Variants in NEURL1B observed in about 807,000 individuals in gnomAD.
NEURL1B encodes the protein neuralized E3 ubiquitin protein ligase 1B.
A neutral mutation model predicts 37.4 loss-of-function variants in NEURL1B; 13 were observed. The ratio of observed to expected loss-of-function variants is 0.35; its 90% CI spans 0.23 to 0.55. NEURL1B has a LOEUF of 0.55. Ranked by LOEUF, NEURL1B falls within the 20% of genes least tolerant of loss-of-function variation. The probability of loss-of-function intolerance (pLI) is 0.89; values close to 1 mark genes in which losing one functional copy is unlikely to be tolerated. For synonymous variants in NEURL1B, 432 were observed against 426.6 expected, an observed-to-expected ratio of 1.01 and a Z score of -0.16; for missense variants, 790 against 879.2, an observed-to-expected ratio of 0.90 and a Z score of 1.28.
In NEURL1B at chr5:172,687,023, G is replaced by A. The variant is rs939499420; in HGVS notation, c.*98G>A. Reference sequence around the variant, plus strand: ...GGCTGCCAGGGAGTCCACGGGCAGCGGCCATCTCTCCAGTGGTGGGCAAGG... The same window carrying A: ...GGCTGCCAGGGAGTCCACGGGCAGCAGCCATCTCTCCAGTGGTGGGCAAGG... On this transcript the variant is annotated 3_prime_UTR_variant, in exon 5 of 5. Coordinates refer to ENST00000369800, the MANE Select transcript of NEURL1B (RefSeq NM_001142651.3). 1.4e-5 allele frequency: 19 copies of A among 1,374,102 alleles called. No individual in the cohort carries two copies. The highest frequency in any genetic ancestry group is 4.3e-5 in the African/African-American group (3 of 69,604). The allele number at this position is 1,374,102 out of a possible 1,614,324, so 85.1% of individuals were successfully genotyped here.
At position 172,647,123 on chromosome 5, in the gene NEURL1B, C is replaced by A. The variant is rs544906104; in HGVS notation, c.31+5686C>A. Among the ~76,000 whole-genome samples, 2 of 152,306 alleles carry A rather than the reference C, an allele frequency of 1.3e-5. No individual in the cohort carries two copies. The highest frequency in any genetic ancestry group is 1.3e-4 in the Admixed American group (2 of 15,300). On this transcript the variant is annotated intron_variant, in intron 1 of 4. Transcript: ENST00000369800. The surrounding 1 kb of genome is among the most constrained non-coding windows in gnomAD (Gnocchi z 4.2). ...TCAGAACAGGCTGTTTAATCTCCCC[C>A]ATGGAGAAGAGTCAGCTCTGCCTCT... is the stretch of plus-strand genomic sequence containing the variant.
intron 2 of NEURL1B, among the ~76,000 whole-genome samples, chr5:172,674,602 G>A (rs1436559532): frequency 6.6e-6 from 1 of 152,162 alleles, no homozygotes; most frequent in East Asian, 1.9e-4. Context: ...ACCTCTGGGG[G>A]TGGCACCCAG....
intron 1 of NEURL1B, among the ~76,000 whole-genome samples, chr5:172,653,030 G>T (rs1286754374): frequency 6.6e-6 from 1 of 151,918 alleles, no homozygotes; most frequent in East Asian, 1.9e-4. Flanking sequence ...TCCTTCCCAG[G>T]CTGGCTTGAG....
At chr5:172,680,721 T>C (rs1295869030) in intron 2 of NEURL1B, among the ~76,000 whole-genome samples, 6 of 152,224 alleles carry the variant, frequency 3.9e-5, no homozygotes, top group African/African-American at 7.2e-5. Context: ...TTCCTATGAA[T>C]CCTATGCACA....
At chr5:172,684,221 C>G (rs1171909290) in intron 3 of NEURL1B, 83 bp downstream of exon 3, 6 of 1,108,800 alleles carry the variant, frequency 5.4e-6, no homozygotes, top group Non-Finnish European at 6.8e-6. Flanking sequence ...TTCCCCGGCC[C>G]CGCCCCTCTC....
rs1220398303 is a variant in NEURL1B, at chr5:172,686,569, A to G, written c.1424-112A>G. 4 of 1,274,012 alleles carry G rather than the reference A, an allele frequency of 3.1e-6. No homozygotes were observed. The Admixed American group carries it at 7.3e-5, about 23-fold the overall frequency. 78.9% of individuals were successfully genotyped at this position (1,274,012 alleles called of 1,614,324 possible). Reference sequence around the variant, plus strand: ...GGTAAACTCAAATTAGTATCTCCCAAAAGTATTCTCCCACCGGTCCCAGCA... The same window carrying G: ...GGTAAACTCAAATTAGTATCTCCCAGAAGTATTCTCCCACCGGTCCCAGCA... On this transcript the variant is annotated intron_variant, in intron 4 of 4. Transcript: ENST00000369800. The surrounding 1 kb of genome is among the most constrained non-coding windows in gnomAD (Gnocchi z 7.9).
intron 2 of NEURL1B, among the ~76,000 whole-genome samples, chr5:172,672,022 G>T (rs1254120539): frequency 6.6e-6 from 1 of 152,222 alleles, no homozygotes; most frequent in African/African-American, 2.4e-5. Flanking sequence ...GCACAAGATA[G>T]CACCCACCTC....
At position 172,683,962 on chromosome 5, in the gene NEURL1B, C is replaced by A; in HGVS notation, c.1121C>A (p.Ala374Asp). 1 of 1,331,548 alleles carries A rather than the reference C, an allele frequency of 7.5e-7. No individual in the cohort carries two copies. Among genetic ancestry groups the A allele is most frequent in the Admixed American group, 3.6e-5 (1 of 28,000 alleles). 82.5% of individuals were successfully genotyped at this position (1,331,548 alleles called of 1,614,324 possible). A position where few individuals can be genotyped will look rare whatever the true frequency, so the allele number is the denominator to read the frequency against. The change falls in exon 3 of 5, where the codon GCC (alanine) becomes GAC (aspartate). Residue 374 changes from alanine to aspartate, a missense_variant. Around this residue, in one of 3 missense-constraint regions of NEURL1B, gnomAD observed 460 missense variants for 407.4 expected, o/e 1.13. Coordinates refer to ENST00000369800, the MANE Select transcript of NEURL1B (RefSeq NM_001142651.3). This position sits in a 1 kb window ranked among gnomAD's most constrained non-coding sequence, Gnocchi z 5.6. ...DRKEYWVVARAGPVPSGGDAL... is the reference protein window; with the variant it reads ...DRKEYWVVARDGPVPSGGDAL... ...AAAGAGTACTGGGTGGTGGCGCGCG[C>A]CGGGCCCGTGCCGAGCGGCGGCGAC... is the stretch of plus-strand genomic sequence containing the variant.
At chr5:172,643,273 G>A (rs530360251) in intron 1 of NEURL1B, among the ~76,000 whole-genome samples, 3 of 152,270 alleles carry the variant, frequency 2.0e-5, no homozygotes, top group African/African-American at 4.8e-5. Context: ...GAGTCACATC[G>A]GGTGGCAGAT....
Position 172,657,541 on chromosome 5 carries a change from G to C in NEURL1B, c.32-12244G>C, listed in dbSNP as rs953364090. 2.0e-5 allele frequency among the ~76,000 whole-genome samples: 3 copies of C among 152,162 alleles called. No individual in the cohort carries two copies. Among genetic ancestry groups the C allele is most frequent in the African/African-American group, 7.2e-5 (3 of 41,434 alleles). ...AATATAACCTAGGAATAACCGGTGG[G>C]TATAGGGTCAGGTGCTGAAGGGACA... On this transcript the variant is annotated intron_variant, in intron 1 of 4. Coordinates refer to ENST00000369800, the MANE Select transcript of NEURL1B (RefSeq NM_001142651.3). This position sits in a 1 kb window ranked among gnomAD's most constrained non-coding sequence, Gnocchi z 4.0.
intron 1 of NEURL1B, among the ~76,000 whole-genome samples, chr5:172,656,063 T>G (rs529455042): frequency 6.6e-6 from 1 of 152,350 alleles, no homozygotes; most frequent in South Asian, 2.1e-4. Flanking sequence ...CCCTGACGCA[T>G]GTGGCCCCTG....
At chr5:172,677,297 G>T (rs1452298292) in intron 2 of NEURL1B, among the ~76,000 whole-genome samples, 1 of 152,142 alleles carries the variant, frequency 6.6e-6, no homozygotes, top group Non-Finnish European at 1.5e-5. Flanking sequence ...TCTCAGTCTG[G>T]AGCGAGACCG....
Position 172,683,644 on chromosome 5 carries a change from G to A in NEURL1B, c.803G>A (p.Arg268Gln). Reference sequence around the variant, plus strand: ...CCGTGCGGGCCCCGTGAGCGCCCGCGGCCCGCGTCGTCGCCGGCGCTACTG... The same window carrying A: ...CCGTGCGGGCCCCGTGAGCGCCCGCAGCCCGCGTCGTCGCCGGCGCTACTG... ...AIPCGPRERP[R>Q]PASSPALLEA... The change falls in exon 3 of 5, where the codon CGG (arginine) becomes CAG (glutamine). Residue 268 changes from arginine to glutamine, a missense_variant. Coordinates refer to ENST00000369800, the MANE Select transcript of NEURL1B (RefSeq NM_001142651.3). The surrounding 1 kb of genome is among the most constrained non-coding windows in gnomAD (Gnocchi z 5.6). The A allele has an allele frequency of 1.6e-6, 2 of 1,244,424 alleles. No individual in the cohort carries two copies. Among genetic ancestry groups the A allele is most frequent in the East Asian group, 8.8e-5 (2 of 22,800 alleles). 77.1% of individuals were successfully genotyped at this position (1,244,424 alleles called of 1,614,324 possible).
At position 172,687,112 on chromosome 5, in the gene NEURL1B, A is replaced by G; in HGVS notation, c.*187A>G. 1.5e-6 allele frequency: 1 copy of G among 676,186 alleles called. No homozygotes were observed. The highest frequency in any genetic ancestry group is 2.1e-5 in the South Asian group (1 of 47,886). The allele number at this position is 676,186 out of a possible 1,614,324, so 41.9% of individuals were successfully genotyped here. A position where few individuals can be genotyped will look rare whatever the true frequency, so the allele number is the denominator to read the frequency against. ...CAGGCAGGGGTTGCTTCTGGCTCCAAAGTGCTTTGCCCCCAAAAGGCCGTC... is the reference window on the plus strand; with the variant it reads ...CAGGCAGGGGTTGCTTCTGGCTCCAGAGTGCTTTGCCCCCAAAAGGCCGTC... On this transcript the variant is annotated 3_prime_UTR_variant, in exon 5 of 5. Coordinates refer to ENST00000369800, the MANE Select transcript of NEURL1B (RefSeq NM_001142651.3).
chr5:172,660,315 C>A (rs1757871702), intron 1 of NEURL1B, among the ~76,000 whole-genome samples: 1 of 152,094 alleles, frequency 6.6e-6, no homozygotes. Flanking sequence ...GATGACCTCA[C>A]CCCCTGGGAA....
rs1205372547 is a variant in NEURL1B at position 172,657,192 on chromosome 5, T to C, written c.32-12593T>C. On this transcript the variant is annotated intron_variant, in intron 1 of 4. Coordinates refer to ENST00000369800, the MANE Select transcript of NEURL1B (RefSeq NM_001142651.3). The surrounding 1 kb of genome is among the most constrained non-coding windows in gnomAD (Gnocchi z 4.0). ...GCCTCATGAACTTGTGCCAGCCCCTTACCCTCTCTGGGCCTAATGTCCCTA... is the reference window on the plus strand; with the variant it reads ...GCCTCATGAACTTGTGCCAGCCCCTCACCCTCTCTGGGCCTAATGTCCCTA... 6.6e-6 allele frequency among the ~76,000 whole-genome samples: 1 copy of C among 152,164 alleles called. No individual in the cohort carries two copies. Among genetic ancestry groups the C allele is most frequent in the Admixed American group, 6.5e-5 (1 of 15,286 alleles).
chr5:172,673,808 C>T lies in NEURL1B; in HGVS notation c.577+3478C>T, dbSNP rs12187030. Among the ~76,000 whole-genome samples, 149 of 86,312 alleles carry T rather than the reference C, an allele frequency of 1.7e-3. No homozygotes were observed. The South Asian group carries it at 0.024, about 14-fold the overall frequency. 56.6% of individuals were successfully genotyped at this position (86,312 alleles called of 152,430 possible). On this transcript the variant is annotated intron_variant, in intron 2 of 4. Transcript: ENST00000369800. ...TATCCCATGCAATGTTTGGGACGTA[C>T]TTATGCAAAAAAAAAAAAAAAAAGT...
rs67676686 is a variant in NEURL1B, at chr5:172,672,541, C to CCA, written c.577+2212_577+2213insAC. On this transcript the variant is annotated intron_variant, in intron 2 of 4. Transcript: ENST00000369800. ...TGCATAAATCTGTGAGGTGAACTCT[C>CCA]CCCCCCCCACTCTATTTCCTTATTC... Among the ~76,000 whole-genome samples, 6 of 15,928 alleles carry CCA rather than the reference C, an allele frequency of 3.8e-4. No individual in the cohort carries two copies. The African/African-American group carries it at 7.1e-3, about 19-fold the overall frequency. The allele number at this position is 15,928 out of a possible 152,430, so 10.4% of individuals were successfully genotyped here. A position where few individuals can be genotyped will look rare whatever the true frequency, so the allele number is the denominator to read the frequency against.
chr5:172,659,385 C>T (rs1757853940), intron 1 of NEURL1B, among the ~76,000 whole-genome samples: 1 of 152,076 alleles, frequency 6.6e-6, no homozygotes, highest in African/African-American at 2.4e-5. Flanking sequence ...GTCCTCAAGG[C>T]AAAGAGAAGG....
Sources: gnomAD v4.1 joint callset for allele counts (sites outside exome capture counted in the v4.1 genomes callset) on GRCh38, gnomAD v4.1.1 for gene constraint, gnomAD v4.1.1 regional missense constraint, Gnocchi (gnomAD v3.1) non-coding constraint, MANE v1.5 for transcripts, NCBI Gene and HGNC (gene_info 2026-07-23, HGNC 2026-07-21) for gene names.